AUTS2: variants seen among roughly 807,000 people sequenced by gnomAD.
The protein encoded by AUTS2 is activator of transcription and developmental regulator AUTS2, also known as autism susceptibility gene 2 protein.
A neutral mutation model predicts 112.4 loss-of-function variants in AUTS2; 17 were observed. The ratio of observed to expected loss-of-function variants is 0.15; its 90% CI spans 0.10 to 0.23. The LOEUF (loss-of-function observed/expected upper bound fraction) is 0.23. AUTS2 is among the 10% of genes least tolerant of loss of function. AUTS2 has a pLI of 1.00. For missense variants in AUTS2, 1,510 were observed against 1,701.6 expected (o/e 0.89, Z 1.98); for synonymous variants, 751 against 702.7 (o/e 1.07, Z -1.09).
chr7:70,733,071 GGTTTATACAC>G (rs1302317384), intron 6 of AUTS2, among the ~76,000 whole-genome samples: 1 of 152,074 alleles, frequency 6.6e-6, no homozygotes, highest in Non-Finnish European at 1.5e-5. Flanking sequence ...GGTAGGAATT[GGTTTATACAC>G]CATTCAAGAA....
At chr7:69,907,613 G>T (rs1795198558) in intron 2 of AUTS2, among the ~76,000 whole-genome samples, 1 of 152,192 alleles carries the variant, frequency 6.6e-6, no homozygotes, top group African/African-American at 2.4e-5. Context: ...CAAAGAGCCT[G>T]TGCATGTTCA....
At chr7:69,669,309 T>C (rs1388597916) in intron 1 of AUTS2, among the ~76,000 whole-genome samples, 2 of 152,064 alleles carry the variant, frequency 1.3e-5, no homozygotes, top group Non-Finnish European at 2.9e-5. Flanking sequence ...TGAGTTAAGA[T>C]TTTAAGAATG....
chr7:69,659,899 T>C (rs922836257), intron 1 of AUTS2, among the ~76,000 whole-genome samples: 25 of 152,354 alleles, frequency 1.6e-4, no homozygotes, highest in Admixed American at 7.8e-4. Flanking sequence ...ATTTGTTAGC[T>C]TCCCATGTTC....
intron 5 of AUTS2, among the ~76,000 whole-genome samples, chr7:70,645,410 G>C (rs987408397): frequency 1.3e-5 from 2 of 152,046 alleles, no homozygotes; most frequent in Non-Finnish European, 2.9e-5. Context: ...CCAACCGGAA[G>C]CTGCACCAGC....
At chr7:69,826,915 T>G (rs1167021791) in intron 1 of AUTS2, among the ~76,000 whole-genome samples, 1 of 152,174 alleles carries the variant, frequency 6.6e-6, no homozygotes, top group East Asian at 1.9e-4. Context: ...TACTTCCATC[T>G]CAAGGAAGTC....
At chr7:70,469,494 C>G (rs1291103736) in intron 5 of AUTS2, among the ~76,000 whole-genome samples, 1 of 152,132 alleles carries the variant, frequency 6.6e-6, no homozygotes, top group African/African-American at 2.4e-5. Context: ...AGCTGGATAT[C>G]AGTGAGAGCA....
At chr7:70,257,285 C>T (rs979381681) in intron 4 of AUTS2, among the ~76,000 whole-genome samples, 2 of 151,954 alleles carry the variant, frequency 1.3e-5, no homozygotes, top group African/African-American at 4.8e-5. Context: ...GGACTACAGG[C>T]ACACGCCACC....
At chr7:70,428,359 G>A (rs1795517206) in intron 4 of AUTS2, among the ~76,000 whole-genome samples, 1 of 152,150 alleles carries the variant, frequency 6.6e-6, no homozygotes, top group South Asian at 2.1e-4. Flanking sequence ...GGGCAGCTGG[G>A]CAGGGGATGG....
chr7:69,969,004 A>T (rs1671158341), intron 2 of AUTS2, among the ~76,000 whole-genome samples: 1 of 152,124 alleles, frequency 6.6e-6, no homozygotes, highest in African/African-American at 2.4e-5. Flanking sequence ...ATTATAAGTA[A>T]AATATTATCT....
chr7:70,734,238 G>C (rs936927439), intron 6 of AUTS2, among the ~76,000 whole-genome samples: 35 of 152,084 alleles, frequency 2.3e-4, no homozygotes, highest in Admixed American at 2.0e-3. Flanking sequence ...AGGAGATCAA[G>C]ACCATCCTGG....
chr7:70,067,852 TAAAAAAAAA>T (rs543724371), intron 2 of AUTS2, among the ~76,000 whole-genome samples: 1 of 130,898 alleles, frequency 7.6e-6, no homozygotes, highest in African/African-American at 2.9e-5. Flanking sequence ...AGCACCTGTC[TAAAAAAAAA>T]AAAAACCTGG....
chr7:70,404,235 C>T (rs773784370), intron 4 of AUTS2, among the ~76,000 whole-genome samples: 2 of 152,094 alleles, frequency 1.3e-5, no homozygotes, highest in African/African-American at 2.4e-5. Context: ...CTATCTGGGA[C>T]TTTGTCTTCT....
chr7:69,798,426 G>A (rs537448711), intron 1 of AUTS2, among the ~76,000 whole-genome samples: 1 of 152,196 alleles, frequency 6.6e-6, no homozygotes, highest in South Asian at 2.1e-4. Context: ...AGTTCCATAT[G>A]CCTTTCCTTT....
At chr7:69,991,863 TC>T (rs1798754776) in intron 2 of AUTS2, among the ~76,000 whole-genome samples, 1 of 152,194 alleles carries the variant, frequency 6.6e-6, no homozygotes. Context: ...CGGAATACTT[TC>T]TATTCTAAGA....
chr7:70,360,895 A>G (rs888126883), intron 4 of AUTS2, among the ~76,000 whole-genome samples: 22 of 152,202 alleles, frequency 1.4e-4, no homozygotes, highest in African/African-American at 5.1e-4. Context: ...TTTGCTCTCC[A>G]AAATGATTCC....
At chr7:70,330,986 C>T (rs144037631) in intron 4 of AUTS2, among the ~76,000 whole-genome samples, 3 of 152,184 alleles carry the variant, frequency 2.0e-5, no homozygotes, top group South Asian at 4.2e-4. Flanking sequence ...CAATGTTCAT[C>T]GCAGATATTG....
chr7:69,748,155 G>A (rs562394845), intron 1 of AUTS2, among the ~76,000 whole-genome samples: 2 of 152,162 alleles, frequency 1.3e-5, no homozygotes, highest in African/African-American at 4.8e-5. Context: ...AAGAGATTAT[G>A]TTCCCTTTAA....
chr7:70,535,604 G>A (rs62455785), intron 5 of AUTS2, among the ~76,000 whole-genome samples: 3,374 of 152,048 alleles, frequency 0.022, 106 homozygotes, highest in Admixed American at 0.099. Flanking sequence ...TAGTAGAGAC[G>A]GGGTTTCACC....
chr7:70,611,386 T>C (rs998941485), intron 5 of AUTS2, among the ~76,000 whole-genome samples: 1 of 152,172 alleles, frequency 6.6e-6, no homozygotes, highest in Non-Finnish European at 1.5e-5. Context: ...TCTTGCACCA[T>C]GATGTAGCTT....
Sources: allele counts gnomAD v4.1 joint callset (sites outside exome capture counted in the v4.1 genomes callset), GRCh38; gene constraint gnomAD v4.1.1; transcripts MANE v1.5; gene names NCBI Gene and HGNC (gene_info 2026-07-23, HGNC 2026-07-21).